RPTOR: variants seen among roughly 807,000 people sequenced by gnomAD.
RPTOR encodes the protein regulatory-associated protein of mTOR.
Under a neutral mutation model 169.9 loss-of-function variants are expected in RPTOR, and 21 were observed. The observed-to-expected ratio is 0.12, with a 90% CI of 0.09 to 0.18. RPTOR has a LOEUF of 0.18. Among genes scored for constraint, RPTOR ranks in the 10% least tolerant of loss-of-function variants. The pLI is 1.00. For missense variants in RPTOR, 1,133 were observed against 1,855.9 expected (o/e 0.61, Z 7.16); for synonymous variants, 732 against 753.2 (o/e 0.97, Z 0.46).
At chr17:80,941,285 T>C (rs1362698092) in intron 25 of RPTOR, 1 of 152,494 alleles carries the variant, frequency 6.6e-6, no homozygotes, top group Non-Finnish European at 1.5e-5. Context: ...GGGGGCGGTG[T>C]CTGTTGCCGC....
chr17:80,782,729 G>A (rs1002021920), intron 6 of RPTOR, among the ~76,000 whole-genome samples: 4 of 152,190 alleles, frequency 2.6e-5, no homozygotes, highest in Non-Finnish European at 2.9e-5. Context: ...GCATTTTCAC[G>A]TGAGAAACTC....
At chr17:80,896,366 C>G (rs112808324) in intron 20 of RPTOR, among the ~76,000 whole-genome samples, 2,958 of 22,256 alleles carry the variant, frequency 0.13, 114 homozygotes, top group African/African-American at 0.24. Flanking sequence ...ACACAGCCGC[C>G]CCGACACCCC....
At chr17:80,636,911 G>C (rs1166920648) in intron 2 of RPTOR, among the ~76,000 whole-genome samples, 1 of 152,216 alleles carries the variant, frequency 6.6e-6, no homozygotes, top group Non-Finnish European at 1.5e-5. Context: ...CCCACTGCCG[G>C]GCATGTAGCC....
intron 2 of RPTOR, among the ~76,000 whole-genome samples, chr17:80,638,092 A>G (rs1025362105): frequency 6.6e-6 from 1 of 152,274 alleles, no homozygotes; most frequent in Admixed American, 6.5e-5. Context: ...ACTAGGATCC[A>G]TGCAGTAGAA....
intron 6 of RPTOR, among the ~76,000 whole-genome samples, chr17:80,770,968 G>T (rs2066837339): frequency 6.6e-6 from 1 of 152,198 alleles, no homozygotes; most frequent in South Asian, 2.1e-4. Flanking sequence ...TCCTGGCCCG[G>T]GGCAGTCCCC....
chr17:80,811,866 G>A (rs191278357), intron 7 of RPTOR, among the ~76,000 whole-genome samples: 6 of 125,402 alleles, frequency 4.8e-5, no homozygotes, highest in South Asian at 2.6e-4. Flanking sequence ...CTGTACCCAC[G>A]GGACACAGCC....
intron 3 of RPTOR, among the ~76,000 whole-genome samples, chr17:80,663,619 T>C (rs1195529664): frequency 1.3e-5 from 2 of 152,202 alleles, no homozygotes; most frequent in African/African-American, 2.4e-5. Flanking sequence ...TTGTGCTTAT[T>C]ATGGAGTGTG....
chr17:80,822,103 G>T (rs1240820584), intron 7 of RPTOR, 98 bp from the exon 8 acceptor site: 6 of 1,089,910 alleles, frequency 5.5e-6, no homozygotes, highest in East Asian at 2.4e-5. Flanking sequence ...CTCGCTCAGA[G>T]CCTTTCGCCG....
At chr17:80,901,383 T>C (rs7213674) in intron 20 of RPTOR, among the ~76,000 whole-genome samples, 102,703 of 151,826 alleles carry the variant, frequency 0.68, 36,104 homozygotes, top group Non-Finnish European at 0.77. Flanking sequence ...TCCTGACTTT[T>C]TTTTTTTTAC....
intron 1 of RPTOR, among the ~76,000 whole-genome samples, chr17:80,550,728 C>G (rs1280274646): frequency 6.6e-6 from 1 of 152,164 alleles, no homozygotes; most frequent in Non-Finnish European, 1.5e-5. Context: ...AGCGTTACTT[C>G]CAAAGCATGT....
In RPTOR at chr17:80,743,885, TAGCACTGTCCTGGTTACG is replaced by T. The variant is rs1459275895; in HGVS notation, c.655-10119_655-10102del. ...TGGCTACTAGCACAGCCCTGGCTAC[TAGCACTGTCCTGGTTACG>T]AGCACAGCCCTGGTTACTAGCAGAG... On this transcript the variant is annotated intron_variant, in intron 5 of 33. Coordinates refer to ENST00000306801, the MANE Select transcript of RPTOR (RefSeq NM_020761.3). 3.9e-4 allele frequency among the ~76,000 whole-genome samples: 40 copies of T among 102,114 alleles called. 4 individuals carry two copies. The highest frequency in any genetic ancestry group is 9.2e-4 in the African/African-American group (19 of 20,762). The allele number at this position is 102,114 out of a possible 152,430, so 67.0% of individuals were successfully genotyped here. A position where few individuals can be genotyped will look rare whatever the true frequency, so the allele number is the denominator to read the frequency against.
intron 33 of RPTOR, among the ~76,000 whole-genome samples, chr17:80,963,966 G>A (rs886725056): frequency 1.3e-5 from 2 of 152,174 alleles, no homozygotes; most frequent in Admixed American, 6.5e-5. Context: ...TGAGGCTCCA[G>A]GCATGTAGCT....
chr17:80,615,319 C>G (rs1358797879), intron 1 of RPTOR, among the ~76,000 whole-genome samples: 2 of 152,120 alleles, frequency 1.3e-5, no homozygotes, highest in Non-Finnish European at 2.9e-5. Flanking sequence ...GAACGGGGGC[C>G]TCGAGTCTCA....
At chr17:80,963,959 G>A (rs536855180) in intron 33 of RPTOR, among the ~76,000 whole-genome samples, 4 of 152,254 alleles carry the variant, frequency 2.6e-5, no homozygotes, top group African/African-American at 9.6e-5. Flanking sequence ...TGTGTTGTGA[G>A]GCTCCAGGCA....
intron 20 of RPTOR, among the ~76,000 whole-genome samples, chr17:80,899,464 C>T (rs528970246): frequency 6.6e-6 from 1 of 150,882 alleles, no homozygotes; most frequent in Non-Finnish European, 1.5e-5. Flanking sequence ...TTTGATTACA[C>T]ATTTCCCCTG....
At position 80,754,560 on chromosome 17, in the gene RPTOR, T is replaced by C. The variant is rs781366477; in HGVS notation, c.830+375T>C. On this transcript the variant is annotated intron_variant, in intron 6 of 33. Coordinates refer to ENST00000306801, the MANE Select transcript of RPTOR (RefSeq NM_020761.3). The surrounding 1 kb of genome is among the most constrained non-coding windows in gnomAD (Gnocchi z 4.2). ...AAAGGAAGTCATTTAATTCCTTGCTTGAGTTGAAGCGTAATCTTTCAATGT... is the reference window on the plus strand; with the variant it reads ...AAAGGAAGTCATTTAATTCCTTGCTCGAGTTGAAGCGTAATCTTTCAATGT... Among the ~76,000 whole-genome samples the C allele has an allele frequency of 2.6e-5, 4 of 152,222 alleles. No homozygotes were observed. Among genetic ancestry groups the C allele is most frequent in the Admixed American group, 1.3e-4 (2 of 15,292 alleles).
chr17:80,923,732 G>A, intron 23 of RPTOR, 59 bp downstream of exon 23: 2 of 1,476,152 alleles, frequency 1.4e-6, no homozygotes, highest in Non-Finnish European at 1.8e-6. Context: ...CTCAGATGGG[G>A]GCTCATGGCC....
chr17:80,686,695 G>A (rs114424006), intron 3 of RPTOR, among the ~76,000 whole-genome samples: 1,753 of 152,222 alleles, frequency 0.012, 34 homozygotes, highest in African/African-American at 0.04. Context: ...AACGAGGCCG[G>A]TGTCTCAAGC....
chr17:80,557,861 G>A (rs1429877736), intron 1 of RPTOR, among the ~76,000 whole-genome samples: 1 of 152,112 alleles, frequency 6.6e-6, no homozygotes, highest in Non-Finnish European at 1.5e-5. Flanking sequence ...AGGAGGCAGA[G>A]GTTGCAGTGA....
Sources: gnomAD v4.1 joint callset for allele counts (sites outside exome capture counted in the v4.1 genomes callset) on GRCh38, gnomAD v4.1.1 for gene constraint, Gnocchi (gnomAD v3.1) non-coding constraint, MANE v1.5 for transcripts, NCBI Gene and HGNC (gene_info 2026-07-23, HGNC 2026-07-21) for gene names.